PTPRD: variants seen among roughly 807,000 people sequenced by gnomAD.
The protein encoded by PTPRD is protein tyrosine phosphatase receptor type D, also known as receptor-type tyrosine-protein phosphatase delta.
Under a neutral mutation model 214.5 loss-of-function variants are expected in PTPRD, and 34 were observed. The ratio of observed to expected loss-of-function variants is 0.16; its 90% CI spans 0.12 to 0.21. The LOEUF is 0.21. Ranked by LOEUF, PTPRD falls within the 10% of genes least tolerant of loss-of-function variation. PTPRD has a pLI of 1.00. For missense variants in PTPRD, 2,545 were observed against 2,398.7 expected (o/e 1.06, Z -1.27); for synonymous variants, 1,128 against 845.7 (o/e 1.33, Z -5.79).
At chr9:8,326,054 C>A (rs1165459831) in intron 44 of PTPRD, among the ~76,000 whole-genome samples, 3 of 152,146 alleles carry the variant, frequency 2.0e-5, no homozygotes, top group Admixed American at 6.6e-5. Context: ...AATTGAATAA[C>A]ATTTATTTCT....
chr9:10,583,157 T>A (rs2072601821), intron 2 of PTPRD, among the ~76,000 whole-genome samples: 1 of 152,172 alleles, frequency 6.6e-6, no homozygotes, highest in African/African-American at 2.4e-5. Flanking sequence ...TCTATCTGTT[T>A]GTTAAGTATC....
At chr9:8,534,866 A>T (rs1301629861) in intron 14 of PTPRD, among the ~76,000 whole-genome samples, 1 of 151,922 alleles carries the variant, frequency 6.6e-6, no homozygotes, top group Non-Finnish European at 1.5e-5. Flanking sequence ...TATGAAAATT[A>T]CACCATATAT....
At chr9:10,599,182 G>A (rs549973314) in intron 2 of PTPRD, among the ~76,000 whole-genome samples, 15 of 151,646 alleles carry the variant, frequency 9.9e-5, no homozygotes, top group Admixed American at 5.9e-4. Context: ...GGTGATGATC[G>A]AGCAATGTGA....
intron 5 of PTPRD, among the ~76,000 whole-genome samples, chr9:9,784,097 C>T (rs892311377): frequency 6.6e-5 from 10 of 151,876 alleles, no homozygotes; most frequent in East Asian, 5.8e-4. Flanking sequence ...AACACAAGTG[C>T]GAAAGATTTC....
At chr9:9,080,232 G>A (rs577629843) in intron 10 of PTPRD, among the ~76,000 whole-genome samples, 11 of 152,190 alleles carry the variant, frequency 7.2e-5, no homozygotes, top group African/African-American at 2.6e-4. Context: ...TACACATGGT[G>A]TAAGAGATGA....
chr9:10,396,553 C>T (rs2098174081), intron 2 of PTPRD, among the ~76,000 whole-genome samples: 1 of 152,004 alleles, frequency 6.6e-6, no homozygotes, highest in Non-Finnish European at 1.5e-5. Context: ...ATTAATCCCT[C>T]TGCCAGATTC....
At chr9:8,969,861 A>G (rs2099225888) in intron 11 of PTPRD, among the ~76,000 whole-genome samples, 1 of 152,038 alleles carries the variant, frequency 6.6e-6, no homozygotes, top group Non-Finnish European at 1.5e-5. Context: ...TTTACATTCT[A>G]AAGCAGGAGA....
At chr9:9,802,437 C>G (rs1309656539) in intron 5 of PTPRD, among the ~76,000 whole-genome samples, 1 of 151,946 alleles carries the variant, frequency 6.6e-6, no homozygotes, top group Non-Finnish European at 1.5e-5. Context: ...CCATAATTTG[C>G]TCCTAAATTA....
chr9:9,204,334 T>A (rs1272364340), intron 9 of PTPRD, among the ~76,000 whole-genome samples: 2 of 152,134 alleles, frequency 1.3e-5, no homozygotes, highest in Admixed American at 6.6e-5. Flanking sequence ...AAGTTACTAA[T>A]TTTTTTCCTT....
chr9:8,456,215 C>G (rs1564944097), intron 33 of PTPRD, among the ~76,000 whole-genome samples: 1 of 152,060 alleles, frequency 6.6e-6, no homozygotes, highest in Non-Finnish European at 1.5e-5. Context: ...TTAGTGGAGG[C>G]AAAGTGCCAA....
chr9:9,848,128 A>G (rs1321078998), intron 5 of PTPRD, among the ~76,000 whole-genome samples: 1 of 152,140 alleles, frequency 6.6e-6, no homozygotes, highest in East Asian at 1.9e-4. Context: ...AACAGCTGTA[A>G]CACGCTTCAG....
intron 14 of PTPRD, among the ~76,000 whole-genome samples, chr9:8,625,093 C>T (rs2095975239): frequency 6.6e-6 from 1 of 151,540 alleles, no homozygotes; most frequent in Non-Finnish European, 1.5e-5. Context: ...AGCTTATACA[C>T]AAAGGAAGAG....
At chr9:9,715,520 C>T (rs1440054650) in intron 7 of PTPRD, among the ~76,000 whole-genome samples, 1 of 152,024 alleles carries the variant, frequency 6.6e-6, no homozygotes, top group Non-Finnish European at 1.5e-5. Context: ...TTAAGATGGA[C>T]AGTTTTACTT....
chr9:10,260,630 G>T (rs2093629932), intron 3 of PTPRD, among the ~76,000 whole-genome samples: 1 of 152,164 alleles, frequency 6.6e-6, no homozygotes, highest in African/African-American at 2.4e-5. Flanking sequence ...TAGTCATGCA[G>T]TAGTGTGGTA....
chr9:9,249,157 A>G (rs892890814), intron 9 of PTPRD, among the ~76,000 whole-genome samples: 6 of 151,994 alleles, frequency 3.9e-5, no homozygotes, highest in African/African-American at 1.2e-4. Context: ...ATTAGTTACT[A>G]TAAGATCTGA....
chr9:10,581,237 A>C (rs947978591), intron 2 of PTPRD, among the ~76,000 whole-genome samples: 3 of 152,224 alleles, frequency 2.0e-5, no homozygotes, highest in African/African-American at 7.2e-5. Context: ...TATTTGTTCA[A>C]CAAATGAAAA....
intron 5 of PTPRD, among the ~76,000 whole-genome samples, chr9:9,833,331 A>G (rs1335562939): frequency 6.6e-6 from 1 of 151,996 alleles, no homozygotes; most frequent in Non-Finnish European, 1.5e-5. Flanking sequence ...ACAAGCCACA[A>G]AAACCAGCAA....
intron 10 of PTPRD, among the ~76,000 whole-genome samples, chr9:9,087,056 T>G (rs990107313): frequency 6.6e-6 from 1 of 152,232 alleles, no homozygotes; most frequent in African/African-American, 2.4e-5. Flanking sequence ...TTCTTGCTCC[T>G]AGAAAAGCAA....
rs938740050 is a variant in PTPRD, at chr9:9,101,565, C to G, written c.-143+81739G>C. 4.6e-5 allele frequency among the ~76,000 whole-genome samples: 7 copies of G among 152,040 alleles called. 1 individual carries two copies. The highest frequency in any genetic ancestry group is 4.6e-4 in the Admixed American group (7 of 15,264). On this transcript the variant is annotated intron_variant, in intron 10 of 45. Transcript: ENST00000381196. The stretch of plus-strand genomic sequence containing the variant: ...TCAAGATTGTCATGACTGACATTTA[C>G]AAAATAGGAAAACTAATAAGAGAAT...
Sources: gnomAD v4.1 joint callset for allele counts (sites outside exome capture counted in the v4.1 genomes callset) on GRCh38, gnomAD v4.1.1 for gene constraint, MANE v1.5 for transcripts, NCBI Gene and HGNC (gene_info 2026-07-23, HGNC 2026-07-21) for gene names.